Variants in CLCN2 observed in about 807,000 individuals in gnomAD.
CLCN2 encodes the protein chloride voltage-gated channel 2, also known as chloride channel protein 2.
CLCN2 carries 72 observed loss-of-function variants against 108.3 expected under a neutral mutation model. That is an observed-to-expected ratio of 0.66 (90% CI 0.55 to 0.81). The LOEUF (loss-of-function observed/expected upper bound fraction) is 0.81, where lower values mean the gene tolerates loss of function less well. Among genes scored for constraint, CLCN2 ranks in the 30% least tolerant of loss-of-function variants. The pLI is 0.00. For missense variants in CLCN2, 1,048 were observed against 1,205.2 expected, an observed-to-expected ratio of 0.87 and a Z score of 1.93; for synonymous variants, 471 against 467.1, an observed-to-expected ratio of 1.01 and a Z score of -0.11.
rs1246493115 is a variant in CLCN2, at chr3:184,354,569, G to A, written c.1486C>T (p.Pro496Ser). ...HTDSSTYRIV[P>S]GGYAVVGAAA... ...TCACCGACCACAGCGTAGCCCCCAG[G>A]CACAATCCGGTAGGTGCTGCTGTCC... Residue 496 changes from proline (P) to serine (S), a missense_variant, in exon 14 of 24, where the codon CCT (proline) becomes TCT (serine). Transcript: ENST00000265593. 1.9e-6 allele frequency: 3 copies of A among 1,613,210 alleles called. No homozygotes were observed. The highest frequency in any genetic ancestry group is 2.5e-6 in the Non-Finnish European group (3 of 1,179,926).
chr3:184,356,163 T>C, intron 10 of CLCN2: 1 of 313,854 alleles, frequency 3.2e-6, no homozygotes, highest in Admixed American at 4.6e-5. Context: ...TGCAGTGACT[T>C]AGAGTGAAGG....
At position 184,355,732 on chromosome 3, in the gene CLCN2, T is replaced by G; in HGVS notation, c.1132A>C (p.Thr378Pro). 1 of 1,614,088 alleles carries G rather than the reference T, an allele frequency of 6.2e-7. No individual in the cohort carries two copies. The highest frequency in any genetic ancestry group is 8.5e-7 in the Non-Finnish European group (1 of 1,180,020). Residue 378 changes from threonine (T) to proline (P), a missense_variant, in exon 11 of 24, where the codon ACC becomes CCC. Physicochemically the swap from Thr to Pro is conservative, Grantham distance 38. Coordinates refer to ENST00000265593, the MANE Select transcript of CLCN2 (RefSeq NM_004366.6). This position sits in a 1 kb window ranked among gnomAD's most constrained non-coding sequence, Gnocchi z 6.3. ...AACTGTCCAAAGCCAGGGGGGAAGG[T>G]CAGCGTGGAGATGAGCAGGGTCACC... ...ALVTLLISTL[T>P]FPPGFGQFMA...
Position 184,346,922 on chromosome 3 carries a change from A to G in CLCN2, c.2502+13T>C, listed in dbSNP as rs1167763580. 5 of 1,613,406 alleles carry G rather than the reference A, an allele frequency of 3.1e-6. No homozygotes were observed. In the Admixed American group the frequency reaches 8.3e-5, roughly 27 times the overall value. The stretch of plus-strand genomic sequence containing the variant: ...TGGAAGTGGAGCAGCTTTGGAGGCC[A>G]CCATCACCTCACCTCCTTTAGAGTA... On this transcript the variant is annotated intron_variant, in intron 23 of 23. Transcript: ENST00000265593. This position sits in a 1 kb window ranked among gnomAD's most constrained non-coding sequence, Gnocchi z 6.0.
intron 1 of CLCN2, among the ~76,000 whole-genome samples, chr3:184,360,029 G>A (rs566499157): frequency 6.6e-5 from 10 of 151,888 alleles, no homozygotes; most frequent in Non-Finnish European, 1.3e-4. Context: ...GAGAGAGGGT[G>A]AGAGATAGGA....
At chr3:184,349,491 T>TG (rs1457236312) in intron 22 of CLCN2, 2 of 152,224 alleles carry the variant, frequency 1.3e-5, no homozygotes, top group African/African-American at 4.8e-5. Context: ...AGGTTGGACT[T>TG]GAACTCCTGG....
In CLCN2 at chr3:184,346,789, G is replaced by A. The variant is rs778068207; in HGVS notation, c.2514C>T (p.Ala838=). The change falls in exon 24 of 24, where the codon GCC becomes GCT. Residue 838 remains alanine, a synonymous_variant. Coordinates refer to ENST00000265593, the MANE Select transcript of CLCN2 (RefSeq NM_004366.6). The surrounding 1 kb of genome is among the most constrained non-coding windows in gnomAD (Gnocchi z 6.0). ...CCTGTGCTGTGACAGAGCCCTCGATGGCCTTCCGGAGCTGGAAAGGTGAGA... is the reference window on the plus strand; with the variant it reads ...CCTGTGCTGTGACAGAGCCCTCGATAGCCTTCCGGAGCTGGAAAGGTGAGA... ...GIVTLKELRK[A]IEGSVTAQGV... 6.2e-7 allele frequency: 1 copy of A among 1,614,048 alleles called. No individual in the cohort carries two copies. Among genetic ancestry groups the A allele is most frequent in the Admixed American group, 1.7e-5 (1 of 60,028 alleles).
chr3:184,347,147 G>T, intron 22 of CLCN2, 126 bp from the exon 23 acceptor site: 1 of 784,306 alleles, frequency 1.3e-6, no homozygotes. Context: ...GAGGGAAGGA[G>T]ACAGGACTGC....
In CLCN2 at chr3:184,357,943, T is replaced by C; in HGVS notation, c.615+19A>G. On this transcript the variant is annotated intron_variant, in intron 5 of 23. Transcript: ENST00000265593. ...TCTTCCACCAGGAGGGACTCCTTCA[T>C]TCCCCAGCCTGCAGTTACCTCTTTG... 6.2e-7 allele frequency: 1 copy of C among 1,613,862 alleles called. No individual in the cohort carries two copies. Among genetic ancestry groups the C allele is most frequent in the Non-Finnish European group, 8.5e-7 (1 of 1,180,026 alleles).
At chr3:184,358,652 A>C in intron 3 of CLCN2, 30 bp downstream of exon 3, 1 of 1,557,346 alleles carries the variant, frequency 6.4e-7, no homozygotes, top group Non-Finnish European at 8.7e-7. Flanking sequence ...GTTTATTCCC[A>C]GTCCTCCCCC....
chr3:184,356,639 CAA>C (rs555983047), intron 10 of CLCN2: 2,681 of 114,012 alleles, frequency 0.024, 1 homozygote, highest in South Asian at 0.045. Flanking sequence ...AACTCCGTCT[CAA>C]AAAAAAAAAA....
intron 3 of CLCN2, 47 bp from the exon 4 acceptor site, chr3:184,358,357 C>G (rs757811132): frequency 6.2e-7 from 1 of 1,612,222 alleles, no homozygotes; most frequent in Non-Finnish European, 8.5e-7. Context: ...CACCCACTGC[C>G]TGCCTGGCCA....
chr3:184,346,514 G>A lies in CLCN2; in HGVS notation c.*92C>T. On this transcript the variant is annotated 3_prime_UTR_variant, in exon 24 of 24. Coordinates refer to ENST00000265593, the MANE Select transcript of CLCN2 (RefSeq NM_004366.6). The surrounding 1 kb of genome is among the most constrained non-coding windows in gnomAD (Gnocchi z 6.0). Reference sequence around the variant, plus strand: ...TGGGGTGCAGCCTCCAGCTGTAGCTGCCTCCTGCCTTCCGAAGGCAGAAGG... The same window carrying A: ...TGGGGTGCAGCCTCCAGCTGTAGCTACCTCCTGCCTTCCGAAGGCAGAAGG... 1 of 1,463,860 alleles carries A rather than the reference G, an allele frequency of 6.8e-7. No homozygotes were observed. The allele number at this position is 1,463,860 out of a possible 1,614,324, so 90.7% of individuals were successfully genotyped here. A position where few individuals can be genotyped will look rare whatever the true frequency, so the allele number is the denominator to read the frequency against.
chr3:184,356,748 C>T (rs921245145), intron 10 of CLCN2: 5 of 539,428 alleles, frequency 9.3e-6, no homozygotes, highest in African/African-American at 7.6e-5. Flanking sequence ...CCCAGAGGAC[C>T]TGAGGAGGCC....
Position 184,355,089 on chromosome 3 carries a change from C to G in CLCN2, c.1327-116G>C. The G allele has an allele frequency of 9.8e-7, 1 of 1,017,644 alleles. No homozygotes were observed. The highest frequency in any genetic ancestry group is 1.5e-6 in the Non-Finnish European group (1 of 659,402). The allele number at this position is 1,017,644 out of a possible 1,614,324, so 63.0% of individuals were successfully genotyped here. A position where few individuals can be genotyped will look rare whatever the true frequency, so the allele number is the denominator to read the frequency against. On this transcript the variant is annotated intron_variant, in intron 12 of 23. Coordinates refer to ENST00000265593, the MANE Select transcript of CLCN2 (RefSeq NM_004366.6). The surrounding 1 kb of genome is among the most constrained non-coding windows in gnomAD (Gnocchi z 6.3). ...CAGGTGGGCGTAACCCTCCCAGCCA[C>G]CCCGTAACCCTCCTAGCTACCCTGG...
Position 184,346,620 on chromosome 3 carries a change from CG to C in CLCN2, c.2682del (p.Asp894GlufsTer16). 1 of 1,613,990 alleles carries C rather than the reference CG, an allele frequency of 6.2e-7. No individual in the cohort carries two copies. Among genetic ancestry groups the C allele is most frequent in the Non-Finnish European group, 8.5e-7 (1 of 1,180,016 alleles). On this transcript the variant is annotated frameshift_variant, in exon 24 of 24. Transcript: ENST00000265593. LOFTEE classifies it high-confidence loss of function. This position sits in a 1 kb window ranked among gnomAD's most constrained non-coding sequence, Gnocchi z 6.0. ...CCACGAGGGGCTCATTGGCATTTGT[CG>C]TCGCTGTCGGAAGGGCTGCCCTCCC... Reference protein sequence around the residue: ...LPREGSPSDSDDKCQ With the variant: ...LPREGSPSDSXDKCQ
intron 22 of CLCN2, chr3:184,347,570 C>A (rs1727776261): frequency 5.3e-6 from 1 of 188,600 alleles, no homozygotes; most frequent in African/African-American, 2.3e-5. Flanking sequence ...AGAGCCCACA[C>A]CGACCTTAAG....
chr3:184,355,978 C>T lies in CLCN2; in HGVS notation c.1086-200G>A. 1.7e-6 allele frequency: 1 copy of T among 587,066 alleles called. No individual in the cohort carries two copies. The highest frequency in any genetic ancestry group is 3.0e-5 in the East Asian group (1 of 33,460). The allele number at this position is 587,066 out of a possible 1,614,324, so 36.4% of individuals were successfully genotyped here. The stretch of plus-strand genomic sequence containing the variant: ...GTTATTCTAAGAGCAGGGGTCTGAC[C>T]CAAAGACCTTTCTGTCAGCCCCTGA... On this transcript the variant is annotated intron_variant, in intron 10 of 23. Coordinates refer to ENST00000265593, the MANE Select transcript of CLCN2 (RefSeq NM_004366.6). The surrounding 1 kb of genome is among the most constrained non-coding windows in gnomAD (Gnocchi z 6.3).
At chr3:184,352,379 C>T (rs898542834) in intron 20 of CLCN2, 48 bp from the exon 21 acceptor site, 1 of 1,613,444 alleles carries the variant, frequency 6.2e-7, no homozygotes, top group Non-Finnish European at 8.5e-7. Context: ...TGGAGTTTAT[C>T]CAGCCTAGAC....
chr3:184,352,725 C>T lies in CLCN2; in HGVS notation c.2217+12G>A, dbSNP rs375390596. Reference sequence around the variant, plus strand: ...AAAAAGCAAGCTAGGAGGACAGGCTCCAGCCACTCACCTCCGAAGCAGCCT... The same window carrying T: ...AAAAAGCAAGCTAGGAGGACAGGCTTCAGCCACTCACCTCCGAAGCAGCCT... On this transcript the variant is annotated intron_variant, in intron 19 of 23. Transcript: ENST00000265593. 55 of 1,612,774 alleles carry T rather than the reference C, an allele frequency of 3.4e-5. No homozygotes were observed. Among genetic ancestry groups the T allele is most frequent in the South Asian group, 1.5e-4 (14 of 91,048 alleles).
Sources: gnomAD v4.1 joint callset for allele counts (sites outside exome capture counted in the v4.1 genomes callset) on GRCh38, gnomAD v4.1.1 for gene constraint, Gnocchi (gnomAD v3.1) non-coding constraint, MANE v1.5 for transcripts, NCBI Gene and HGNC (gene_info 2026-07-23, HGNC 2026-07-21) for gene names.